The following CDH17 variants were observed in gnomAD, a reference collection of about 807,000 sequenced individuals.
The protein encoded by CDH17 is cadherin-17.
In CDH17, 67 loss-of-function variants were observed where a neutral mutation model predicts 86.3. The ratio of observed to expected loss-of-function variants is 0.78; its 90% confidence interval spans 0.64 to 0.95. CDH17 has a LOEUF of 0.95. Among genes scored for constraint, CDH17 ranks in the 40% least tolerant of loss-of-function variants. CDH17 has a pLI of 0.00. For synonymous variants in CDH17, 367 were observed against 366.4 expected (o/e 1.00, Z -0.02); for missense variants, 993 against 1,017.6 (o/e 0.98, Z 0.33).
intron 10 of CDH17, among the ~76,000 whole-genome samples, chr8:94,163,156 GT>G (rs2130622766): frequency 6.6e-6 from 1 of 152,324 alleles, no homozygotes; most frequent in Admixed American, 6.5e-5. Context: ...ATAACTTCAT[GT>G]TGTAGGTGCT....
At chr8:94,153,663 TACACACGCACAC>T (rs1812895864) in intron 12 of CDH17, among the ~76,000 whole-genome samples, 1 of 152,058 alleles carries the variant, frequency 6.6e-6, no homozygotes, top group Non-Finnish European at 1.5e-5. Flanking sequence ...TACACATACA[TACACACGCACAC>T]ACATATATAT....
In CDH17 at chr8:94,130,899, A is replaced by G. The variant is rs755562158; in HGVS notation, c.2261T>C (p.Leu754Ser). ...IRINDGGRPP[L>S]EGIVSLPVTF... ...ACCTGGTAAAGAAACAATGCCTTCC[A>G]AGGGTGGCCGACCCCCATCATTGAT... Residue 754 changes from leucine (L) to serine (S), a missense_variant, in exon 16 of 18, where the codon TTG becomes TCG. Coordinates refer to ENST00000027335, the MANE Select transcript of CDH17 (RefSeq NM_004063.4). 6.2e-7 allele frequency: 1 copy of G among 1,608,334 alleles called. No homozygotes were observed. Among genetic ancestry groups the G allele is most frequent in the South Asian group, 1.1e-5 (1 of 90,970 alleles).
intron 15 of CDH17, among the ~76,000 whole-genome samples, chr8:94,142,576 G>T (rs1812660699): frequency 6.6e-6 from 1 of 152,178 alleles, no homozygotes; most frequent in Non-Finnish European, 1.5e-5. Flanking sequence ...ATGTGATGCT[G>T]GTTGATGGCA....
chr8:94,166,214 C>T (rs531082134), intron 9 of CDH17, among the ~76,000 whole-genome samples: 2 of 152,238 alleles, frequency 1.3e-5, no homozygotes, highest in East Asian at 3.9e-4. Context: ...CTTATTTTTT[C>T]ACAGTTCTGG....
At chr8:94,216,628 G>A (rs1814198640) in intron 1 of CDH17, among the ~76,000 whole-genome samples, 3 of 151,486 alleles carry the variant, frequency 2.0e-5, no homozygotes, top group Admixed American at 2.0e-4. Flanking sequence ...AGAAACAAAG[G>A]GAATTGCCTA....
rs201190648 is a variant in CDH17 at position 94,177,569 on chromosome 8, C to A, written c.285+18G>T. On this transcript the variant is annotated intron_variant, in intron 4 of 17. Transcript: ENST00000027335. ...CAGAGAGGTTGGAGTTAGATCCCTT[C>A]AGCTGGTATCAATTTACCTGGAGAT... The A allele has an allele frequency of 1.2e-6, 2 of 1,613,434 alleles. No individual in the cohort carries two copies.
intron 1 of CDH17, among the ~76,000 whole-genome samples, chr8:94,205,455 A>T (rs891974847): frequency 1.3e-5 from 2 of 152,028 alleles, no homozygotes; most frequent in African/African-American, 4.8e-5. Flanking sequence ...GAAAGAAAGA[A>T]AGAAAAGAGA....
Position 94,128,277 on chromosome 8 carries a change from C to G in CDH17, c.2462G>C (p.Ser821Thr). The change falls in exon 18 of 18, where the codon AGT becomes ACT. Residue 821 changes from serine (S) to threonine (T), a missense_variant. Ser to Thr is a moderately conservative substitution (Grantham distance 58). Transcript: ENST00000027335. ...AGGTTTGACTTCAGATGCTTGAGCA[C>G]TTTCAACATTATCTTTGCCTTTATC... ...KKDKGKDNVE[S>T]AQASEVKPLR... 1 of 1,613,696 alleles carries G rather than the reference C, an allele frequency of 6.2e-7. No homozygotes were observed. The highest frequency in any genetic ancestry group is 8.5e-7 in the Non-Finnish European group (1 of 1,179,772).
chr8:94,169,365 C>T (rs1479114338), intron 9 of CDH17, among the ~76,000 whole-genome samples: 1 of 152,084 alleles, frequency 6.6e-6, no homozygotes, highest in East Asian at 1.9e-4. Context: ...AACACAGTGA[C>T]ACAGAACACA....
chr8:94,128,587 C>T (rs1428054044), intron 17 of CDH17, among the ~76,000 whole-genome samples: 1 of 152,192 alleles, frequency 6.6e-6, no homozygotes, highest in Non-Finnish European at 1.5e-5. Flanking sequence ...TGGTGGCTCT[C>T]ACTGGATCTC....
chr8:94,192,272 A>G (rs1259139021), intron 2 of CDH17, among the ~76,000 whole-genome samples: 1 of 152,190 alleles, frequency 6.6e-6, no homozygotes, highest in South Asian at 2.1e-4. Context: ...CAGAAGTGGG[A>G]AAGATGGTAT....
At chr8:94,195,040 C>A (rs1242492122) in intron 1 of CDH17, among the ~76,000 whole-genome samples, 9 of 152,218 alleles carry the variant, frequency 5.9e-5, no homozygotes, top group African/African-American at 1.7e-4. Context: ...CTCACTTTGT[C>A]ATCCAGGCTG....
At chr8:94,211,424 G>A (rs921708533), upstream of CDH17, among the ~76,000 whole-genome samples, 2 of 152,130 alleles carry the variant, frequency 1.3e-5, no homozygotes, top group Non-Finnish European at 2.9e-5. Context: ...TGATTCTCCT[G>A]CCTCAGCCTC....
chr8:94,170,817 T>C, intron 8 of CDH17, 37 bp downstream of exon 8: 1 of 1,603,838 alleles, frequency 6.2e-7, no homozygotes, highest in East Asian at 2.2e-5. Context: ...CATAGGACTT[T>C]GTCTTGTCGC....
chr8:94,189,396 C>T, intron 2 of CDH17, 111 bp from the exon 3 acceptor site: 1 of 729,350 alleles, frequency 1.4e-6, no homozygotes, highest in Non-Finnish European at 2.3e-6. Context: ...TCTATCATGG[C>T]TGAAATCTGA....
intron 1 of CDH17, chr8:94,203,068 G>A: frequency 5.2e-6 from 1 of 193,402 alleles, no homozygotes; most frequent in South Asian, 1.0e-4. Flanking sequence ...AAGATGGGAA[G>A]GTGATGTTTA....
At chr8:94,198,436 G>A (rs1813828266) in intron 1 of CDH17, among the ~76,000 whole-genome samples, 1 of 152,140 alleles carries the variant, frequency 6.6e-6, no homozygotes, top group African/African-American at 2.4e-5. Context: ...ATTGCAAGAT[G>A]ATATTATCAA....
intron 12 of CDH17, among the ~76,000 whole-genome samples, chr8:94,155,909 T>C (rs1376701043): frequency 6.6e-6 from 1 of 152,144 alleles, no homozygotes; most frequent in Non-Finnish European, 1.5e-5. Context: ...TGGAAAAACA[T>C]CAAACCAAAT....
Position 94,128,124 on chromosome 8 carries a change from C to T in CDH17, c.*116G>A. Reference sequence around the variant, plus strand: ...GAAATATTTAGCAAATATTAAAGGACAAGAGGGAATATCTGTTTAAAAAAT... The same window carrying T: ...GAAATATTTAGCAAATATTAAAGGATAAGAGGGAATATCTGTTTAAAAAAT... On this transcript the variant is annotated 3_prime_UTR_variant, in exon 18 of 18. Transcript: ENST00000027335. 1.4e-6 allele frequency: 1 copy of T among 695,570 alleles called. No individual in the cohort carries two copies. The highest frequency in any genetic ancestry group is 1.7e-5 in the South Asian group (1 of 57,648). The allele number at this position is 695,570 out of a possible 1,614,324, so 43.1% of individuals were successfully genotyped here. A position where few individuals can be genotyped will look rare whatever the true frequency, so the allele number is the denominator to read the frequency against.
Sources: allele counts gnomAD v4.1 joint callset (sites outside exome capture counted in the v4.1 genomes callset), GRCh38; gene constraint gnomAD v4.1.1; transcripts MANE v1.5; gene names NCBI Gene and HGNC (gene_info 2026-07-23, HGNC 2026-07-21).